The following FAM81B variants were observed in gnomAD, a reference collection of about 807,000 sequenced individuals.
The protein encoded by FAM81B is protein FAM81B.
FAM81B carries 60 observed loss-of-function variants against 58.7 expected under a neutral mutation model. The ratio of observed to expected loss-of-function variants is 1.02; its 90% CI spans 0.83 to 1.27. The LOEUF (loss-of-function observed/expected upper bound fraction) is 1.27. Ranked by LOEUF, FAM81B falls within the 50% of genes most tolerant of loss-of-function variation. The pLI is 0.00. For synonymous variants in FAM81B, 189 were observed against 179.6 expected, an observed-to-expected ratio of 1.05 and a Z score of -0.42; for missense variants, 491 against 522.0, an observed-to-expected ratio of 0.94 and a Z score of 0.58.
rs147140709 is a variant in FAM81B, at chr5:95,417,834, T to C, written c.538-2450T>C. Among the ~76,000 whole-genome samples, 1,118 of 152,318 alleles carry C rather than the reference T, an allele frequency of 7.3e-3. 8 individuals carry two copies. Among genetic ancestry groups the C allele is most frequent in the Admixed American group, 0.011 (165 of 15,292 alleles). The stretch of plus-strand genomic sequence containing the variant: ...ACATACGGCTCCAGGCTGCTTGCAG[T>C]ACATCACTGAAACCCTTGGCAATAG... On this transcript the variant is annotated intron_variant, in intron 4 of 9. Transcript: ENST00000283357.
chr5:95,427,445 C>T (rs1192885995), intron 5 of FAM81B, among the ~76,000 whole-genome samples: 1 of 152,144 alleles, frequency 6.6e-6, no homozygotes, highest in South Asian at 2.1e-4. Context: ...ACCCCCACTA[C>T]AACCATTTTT....
At chr5:95,403,817 G>A (rs1019450926) in intron 3 of FAM81B, among the ~76,000 whole-genome samples, 1 of 152,064 alleles carries the variant, frequency 6.6e-6, no homozygotes. Flanking sequence ...GCATCTCATG[G>A]GCCAGAATTG....
At chr5:95,393,677 T>C (rs996123210) in intron 2 of FAM81B, among the ~76,000 whole-genome samples, 1 of 152,188 alleles carries the variant, frequency 6.6e-6, no homozygotes. Flanking sequence ...TCTTAATTTC[T>C]TTCCATAATA....
chr5:95,447,933 G>A (rs1340824061), intron 8 of FAM81B, among the ~76,000 whole-genome samples: 1 of 152,176 alleles, frequency 6.6e-6, no homozygotes, highest in Non-Finnish European at 1.5e-5. Context: ...TGTCCACGTG[G>A]AGGTATGAAA....
chr5:95,401,734 G>C (rs1283103229), intron 3 of FAM81B, among the ~76,000 whole-genome samples: 1 of 152,114 alleles, frequency 6.6e-6, no homozygotes, highest in Admixed American at 6.5e-5. Context: ...GAGTATTACA[G>C]GTTGCCAAAA....
chr5:95,399,428 G>A (rs1464397325), intron 3 of FAM81B, among the ~76,000 whole-genome samples: 1 of 152,166 alleles, frequency 6.6e-6, no homozygotes. Flanking sequence ...GTTGGATGGT[G>A]CTACTATCAG....
At chr5:95,436,653 C>T in intron 6 of FAM81B, 147 bp from the exon 7 acceptor site, 1 of 660,658 alleles carries the variant, frequency 1.5e-6, no homozygotes, top group Non-Finnish European at 2.7e-6. Flanking sequence ...CAAGTGCAAT[C>T]ATGCTTTAGG....
intron 3 of FAM81B, among the ~76,000 whole-genome samples, chr5:95,407,287 C>T (rs1456264065): frequency 1.3e-5 from 2 of 151,988 alleles, no homozygotes; most frequent in Non-Finnish European, 2.9e-5. Context: ...CACACACACA[C>T]ACACACGCAC....
chr5:95,428,762 C>T (rs1288993460), intron 6 of FAM81B, 30 bp downstream of exon 6: 25 of 1,612,828 alleles, frequency 1.6e-5, no homozygotes, highest in South Asian at 5.5e-5. Context: ...ACTCATATTA[C>T]GTGTTACTGC....
At position 95,450,254 on chromosome 5, in the gene FAM81B, G is replaced by T. The variant is rs117093563; in HGVS notation, c.1331G>T (p.Arg444Leu). The change falls in exon 10 of 10, where the codon CGC becomes CTC. Residue 444 changes from arginine (R) to leucine (L), a missense_variant. Physicochemically the swap from Arg to Leu is moderately radical, Grantham distance 102. Coordinates refer to ENST00000283357, the MANE Select transcript of FAM81B (RefSeq NM_152548.3). ...KVQKDLKKLQ[R>L]KIVELQEV ...CAGAAAGACCTAAAGAAATTACAGC[G>T]CAAGATAGTGGAACTCCAGGAAGTA... 2.3e-4 allele frequency: 372 copies of T among 1,612,938 alleles called. 1 individual carries two copies. The Admixed American group carries it at 3.2e-3, about 14-fold the overall frequency.
At chr5:95,441,820 T>C (rs1431577423) in intron 7 of FAM81B, among the ~76,000 whole-genome samples, 1 of 152,150 alleles carries the variant, frequency 6.6e-6, no homozygotes, top group African/African-American at 2.4e-5. Flanking sequence ...AGGATCATCC[T>C]CTGAGCTTCT....
At chr5:95,398,263 A>T (rs1037934993) in intron 3 of FAM81B, among the ~76,000 whole-genome samples, 3 of 151,986 alleles carry the variant, frequency 2.0e-5, no homozygotes, top group Non-Finnish European at 4.4e-5. Flanking sequence ...TACTAAATAT[A>T]CAAAAATTAG....
At chr5:95,418,520 G>C (rs1026799680) in intron 4 of FAM81B, among the ~76,000 whole-genome samples, 11 of 152,144 alleles carry the variant, frequency 7.2e-5, no homozygotes, top group African/African-American at 2.2e-4. Context: ...AGCTACAAGA[G>C]TTACAGCCAC....
chr5:95,439,487 T>C (rs1160978349), intron 7 of FAM81B, among the ~76,000 whole-genome samples: 1 of 151,874 alleles, frequency 6.6e-6, no homozygotes, highest in African/African-American at 2.4e-5. Flanking sequence ...AAATTTTGTA[T>C]TGGGATTTTT....
At position 95,396,107 on chromosome 5, in the gene FAM81B, T is replaced by C; in HGVS notation, c.229-4T>C. 1 of 1,605,408 alleles carries C rather than the reference T, an allele frequency of 6.2e-7. No homozygotes were observed. The highest frequency in any genetic ancestry group is 1.7e-5 in the Admixed American group (1 of 58,526). ...ATATTCTGAATCTGTAACCTTTGTT[T>C]TAGGTAAGATTATCTCCAGCCAAAA... is the stretch of plus-strand genomic sequence containing the variant. On this transcript the variant is annotated splice_region_variant and splice_polypyrimidine_tract_variant and intron_variant, in intron 2 of 9. Coordinates refer to ENST00000283357, the MANE Select transcript of FAM81B (RefSeq NM_152548.3).
At position 95,436,876 on chromosome 5, in the gene FAM81B, A is replaced by G. The variant is rs1440744022; in HGVS notation, c.863A>G (p.Tyr288Cys). The stretch of plus-strand genomic sequence containing the variant: ...AATTTAAAGATGGTCCAGGGGGATT[A>G]TCGCCACGAAATGAACCTTTTGGAA... ...TSNLKMVQGD[Y>C]RHEMNLLEFK... Residue 288 changes from tyrosine to cysteine, a missense_variant, in exon 7 of 10, where the codon TAT becomes TGT. Physicochemically the swap from Tyr to Cys is radical, Grantham distance 194. Coordinates refer to ENST00000283357, the MANE Select transcript of FAM81B (RefSeq NM_152548.3). The G allele has an allele frequency of 1.9e-6, 3 of 1,613,812 alleles. No homozygotes were observed. The highest frequency in any genetic ancestry group is 1.7e-5 in the Admixed American group (1 of 60,004).
chr5:95,416,249 G>A (rs910075001), intron 4 of FAM81B, among the ~76,000 whole-genome samples: 1 of 152,154 alleles, frequency 6.6e-6, no homozygotes, highest in African/African-American at 2.4e-5. Context: ...TCATTAACCA[G>A]GTCAGCCCAT....
At chr5:95,403,102 C>A (rs184665963) in intron 3 of FAM81B, among the ~76,000 whole-genome samples, 1 of 152,304 alleles carries the variant, frequency 6.6e-6, no homozygotes, top group East Asian at 1.9e-4. Flanking sequence ...CAGTCTTGAA[C>A]AAATCAGTGG....
intron 5 of FAM81B, among the ~76,000 whole-genome samples, chr5:95,420,758 A>G (rs1186449219): frequency 1.3e-5 from 2 of 152,208 alleles, no homozygotes; most frequent in African/African-American, 2.4e-5. Flanking sequence ...TAAAATATAC[A>G]AGAATTATAA....
Sources: gnomAD v4.1 joint callset for allele counts (sites outside exome capture counted in the v4.1 genomes callset) on GRCh38, gnomAD v4.1.1 for gene constraint, MANE v1.5 for transcripts, NCBI Gene and HGNC (gene_info 2026-07-23, HGNC 2026-07-21) for gene names.